The following ZSCAN1 variants were observed in gnomAD, a reference collection of about 807,000 sequenced individuals.
ZSCAN1 encodes the protein zinc finger and SCAN domain containing 1, also known as zinc finger and SCAN domain-containing protein 1.
Under a neutral mutation model 23.8 loss-of-function variants are expected in ZSCAN1, and 23 were observed. The observed-to-expected ratio is 0.97, with a 90% CI of 0.70 to 1.37. The LOEUF is 1.37. ZSCAN1 is among the 40% of genes most tolerant of loss of function. The probability of loss-of-function intolerance (pLI) is 0.00; values close to 1 mark genes in which losing one functional copy is unlikely to be tolerated. For synonymous variants in ZSCAN1, 236 were observed against 232.3 expected (o/e 1.02, Z -0.15); for missense variants, 575 against 554.0 (o/e 1.04, Z -0.38).
In ZSCAN1 at chr19:58,053,576, G is replaced by C. The variant is rs939943840; in HGVS notation, c.752G>C (p.Arg251Thr). 1.2e-6 allele frequency: 2 copies of C among 1,614,084 alleles called. No individual in the cohort carries two copies. Among genetic ancestry groups the C allele is most frequent in the African/African-American group, 2.7e-5 (2 of 74,926 alleles). Residue 251 changes from arginine to threonine, a missense_variant, in exon 6 of 6, where the codon AGA (arginine) becomes ACA (threonine). By Grantham distance (71) the Arg-to-Thr change is moderately conservative (BLOSUM62 -1). Coordinates refer to ENST00000282326, the MANE Select transcript of ZSCAN1 (RefSeq NM_182572.4). The surrounding 1 kb of genome is among the most constrained non-coding windows in gnomAD (Gnocchi z 5.8). ...GCTCAGAGAATCAGTCCCCGAAGGA[G>C]AAACAGGAACACTGACCAGAGCGGC... The part of the protein sequence containing the change: ...PSAQRISPRR[R>T]NRNTDQSGRH...
At position 58,047,971 on chromosome 19, in the gene ZSCAN1, G is replaced by C. The variant is rs181630667; in HGVS notation, c.466-4519G>C. Among the ~76,000 whole-genome samples, 32 of 152,292 alleles carry C rather than the reference G, an allele frequency of 2.1e-4. No homozygotes were observed. The highest frequency in any genetic ancestry group is 7.5e-4 in the African/African-American group (31 of 41,576). ...ACACTCATATTTTTAAGGTCAGGTT[G>C]GTTCCTGGTAAAAATGTCCCTCCGG... On this transcript the variant is annotated intron_variant, in intron 4 of 5. Transcript: ENST00000282326. The surrounding 1 kb of genome is among the most constrained non-coding windows in gnomAD (Gnocchi z 4.9).
rs773630723 is a variant in ZSCAN1, at chr19:58,054,032, C to T, written c.1208C>T (p.Thr403Met). ...CTCATTGACCACCAGAAGCTCCACA[C>T]GGCCCACGGCCACATGTGAATGGCC... is the stretch of plus-strand genomic sequence containing the variant. ...VHLIDHQKLH[T>M]AHGHM Residue 403 changes from threonine to methionine, a missense_variant, in exon 6 of 6, where the codon ACG (threonine) becomes ATG (methionine). Transcript: ENST00000282326. The surrounding 1 kb of genome is among the most constrained non-coding windows in gnomAD (Gnocchi z 4.2). The T allele has an allele frequency of 2.7e-5, 41 of 1,522,190 alleles. No individual in the cohort carries two copies. Among genetic ancestry groups the T allele is most frequent in the Admixed American group, 1.0e-4 (5 of 47,782 alleles). 94.3% of individuals were successfully genotyped at this position (1,522,190 alleles called of 1,614,324 possible).
chr19:58,035,693 C>T (rs2073729791), intron 1 of ZSCAN1, among the ~76,000 whole-genome samples: 1 of 152,194 alleles, frequency 6.6e-6, no homozygotes, highest in Admixed American at 6.5e-5. Flanking sequence ...GGTAGTTTCC[C>T]AATCAGGGTG....
At chr19:58,043,749 A>T (rs754264024) in intron 4 of ZSCAN1, among the ~76,000 whole-genome samples, 1 of 152,056 alleles carries the variant, frequency 6.6e-6, no homozygotes, top group East Asian at 1.9e-4. Context: ...TTCTGGGCTC[A>T]TGCGATCTTC....
chr19:58,044,553 C>T (rs913806325), intron 4 of ZSCAN1: 4 of 576,556 alleles, frequency 6.9e-6, no homozygotes, highest in African/African-American at 2.0e-5. Context: ...GAGGAGCCAG[C>T]GCAGGAGGCC....
rs181274083 is a variant in ZSCAN1 at position 58,038,570 on chromosome 19, C to A, written c.370+364C>A. ...TGCAACACTCAGGAATCCTAGAGAT[C>A]CTTAAGCCTTCACAGGGCGCAGGCC... On this transcript the variant is annotated intron_variant, in intron 3 of 5. Coordinates refer to ENST00000282326, the MANE Select transcript of ZSCAN1 (RefSeq NM_182572.4). The A allele has an allele frequency of 1.1e-3, 600 of 522,804 alleles. 5 individuals are homozygous for A. Among genetic ancestry groups the A allele is most frequent in the African/African-American group, 9.1e-3 (464 of 50,810 alleles). 32.4% of individuals were successfully genotyped at this position (522,804 alleles called of 1,614,324 possible).
intron 2 of ZSCAN1, 22 bp from the exon 3 acceptor site, chr19:58,037,706 C>A: frequency 8.4e-7 from 1 of 1,195,832 alleles, no homozygotes; most frequent in Non-Finnish European, 1.1e-6. Flanking sequence ...TGTGACCCCT[C>A]TGTCCCTGCC....
At chr19:58,052,161 G>C (rs192481573) in intron 4 of ZSCAN1, among the ~76,000 whole-genome samples, 1 of 152,388 alleles carries the variant, frequency 6.6e-6, no homozygotes, top group East Asian at 1.9e-4. Flanking sequence ...AATGATCAAC[G>C]ATCTTTGAAC....
intron 1 of ZSCAN1, chr19:58,035,471 G>GA (rs2073728107): frequency 2.6e-5 from 4 of 152,194 alleles, no homozygotes; most frequent in Non-Finnish European, 5.9e-5. Context: ...GGATGCTGAG[G>GA]GGCTACAGCC....
intron 4 of ZSCAN1, chr19:58,046,403 A>C: frequency 1.1e-6 from 1 of 879,634 alleles, no homozygotes; most frequent in Non-Finnish European, 2.0e-6. Flanking sequence ...AGGGTGCAGC[A>C]GATAATCGGG....
chr19:58,043,144 C>T (rs1454289087), intron 4 of ZSCAN1, among the ~76,000 whole-genome samples: 2 of 152,276 alleles, frequency 1.3e-5, no homozygotes, highest in Non-Finnish European at 2.9e-5. Context: ...TGGAGCTGCT[C>T]TGCGCGGGGC....
Position 58,053,473 on chromosome 19 carries a change from C to G in ZSCAN1, c.649C>G (p.Pro217Ala), listed in dbSNP as rs750717573. Residue 217 changes from proline (P) to alanine (A), a missense_variant, in exon 6 of 6, where the codon CCT becomes GCT. Physicochemically the swap from Pro to Ala is conservative, Grantham distance 27. Transcript: ENST00000282326. The surrounding 1 kb of genome is among the most constrained non-coding windows in gnomAD (Gnocchi z 5.8). ...LPLKPSIWDEPEDLLAGPSSD... is the reference protein window; with the variant it reads ...LPLKPSIWDEAEDLLAGPSSD... ...TCTGAAGCCGAGTATCTGGGACGAGCCTGAGGACCTTCTCGCAGGGCCCTC... is the reference window on the plus strand; with the variant it reads ...TCTGAAGCCGAGTATCTGGGACGAGGCTGAGGACCTTCTCGCAGGGCCCTC... 1.2e-6 allele frequency: 2 copies of G among 1,613,786 alleles called. No individual in the cohort carries two copies. Among genetic ancestry groups the G allele is most frequent in the Non-Finnish European group, 1.7e-6 (2 of 1,179,882 alleles).
intron 4 of ZSCAN1, chr19:58,044,661 C>T (rs1048498080): frequency 3.4e-6 from 3 of 872,532 alleles, no homozygotes; most frequent in African/African-American, 3.3e-5. Context: ...CGGGTCACCG[C>T]CCCGCGGGGT....
At chr19:58,043,314 C>G in intron 4 of ZSCAN1, among the ~76,000 whole-genome samples, 1 of 152,362 alleles carries the variant, frequency 6.6e-6, no homozygotes, top group Middle Eastern at 3.4e-3. Context: ...CACGCACAGC[C>G]CATGGCTCCT....
chr19:58,052,352 GAAC>G (rs2073862467), intron 4 of ZSCAN1, 135 bp from the exon 5 acceptor site: 2 of 1,418,444 alleles, frequency 1.4e-6, no homozygotes, highest in South Asian at 1.3e-5. Context: ...CAAAGCACGG[GAAC>G]AACAGGCGCG....
chr19:58,055,602 GA>G (rs1461041711), downstream of ZSCAN1, among the ~76,000 whole-genome samples: 1 of 152,156 alleles, frequency 6.6e-6, no homozygotes, highest in African/African-American at 2.4e-5. Flanking sequence ...ATTACTCTCG[GA>G]AGCCCCCCTG....
At chr19:58,056,357 C>T (rs2073889183), downstream of ZSCAN1, among the ~76,000 whole-genome samples, 1 of 152,252 alleles carries the variant, frequency 6.6e-6, no homozygotes, top group Non-Finnish European at 1.5e-5. Context: ...CCCTGGCCTC[C>T]TCCTGTGCCT....
rs1346379257 is a variant in ZSCAN1, at chr19:58,054,060, C to T, written c.*9C>T. On this transcript the variant is annotated 3_prime_UTR_variant, in exon 6 of 6. Coordinates refer to ENST00000282326, the MANE Select transcript of ZSCAN1 (RefSeq NM_182572.4). This position sits in a 1 kb window ranked among gnomAD's most constrained non-coding sequence, Gnocchi z 4.2. ...CCCACGGCCACATGTGAATGGCCAG[C>T]CTCGGGCCTCGGCCACCCGGCCCTG... 12 of 1,487,510 alleles carry T rather than the reference C, an allele frequency of 8.1e-6. No homozygotes were observed. Among genetic ancestry groups the T allele is most frequent in the African/African-American group, 1.4e-5 (1 of 71,226 alleles). 92.1% of individuals were successfully genotyped at this position (1,487,510 alleles called of 1,614,324 possible).
rs190959372 is a variant in ZSCAN1 at position 58,050,132 on chromosome 19, A to G, written c.466-2358A>G. 5.1e-3 allele frequency among the ~76,000 whole-genome samples: 772 copies of G among 151,704 alleles called. 9 individuals are homozygous for G. The highest frequency in any genetic ancestry group is 0.017 in the African/African-American group (693 of 41,348). The stretch of plus-strand genomic sequence containing the variant: ...ATAACCCAGCACCATTGCCCCAACT[A>G]AAACCATTAAGATAATTCCTGGCCG... On this transcript the variant is annotated intron_variant, in intron 4 of 5. Transcript: ENST00000282326.
Sources: gnomAD v4.1 joint callset for allele counts (sites outside exome capture counted in the v4.1 genomes callset) on GRCh38, gnomAD v4.1.1 for gene constraint, Gnocchi (gnomAD v3.1) non-coding constraint, MANE v1.5 for transcripts, NCBI Gene and HGNC (gene_info 2026-07-23, HGNC 2026-07-21) for gene names.